PIK3R3: variants seen among roughly 807,000 people sequenced by gnomAD.
PIK3R3 encodes phosphoinositide-3-kinase regulatory subunit 3.
Under a neutral mutation model 62.9 loss-of-function variants are expected in PIK3R3, and 64 were observed. The ratio of observed to expected loss-of-function variants is 1.02; its 90% CI spans 0.83 to 1.25. PIK3R3 has a LOEUF of 1.25. Among genes scored for constraint, PIK3R3 ranks in the 50% most tolerant of loss-of-function variants. The pLI is 0.00. For synonymous variants in PIK3R3, 165 were observed against 189.0 expected (o/e 0.87, Z 1.04); for missense variants, 614 against 561.6 (o/e 1.09, Z -0.94).
At chr1:46,171,632 A>G in the PIK3R3 span, among the ~76,000 whole-genome samples, 1 of 151,934 alleles carries the variant, frequency 6.6e-6, no homozygotes, top group African/African-American at 2.4e-5. Flanking sequence ...CTGGCGCCCC[A>G]GGGGCTGTCT....
chr1:46,046,179 C>T (rs1472716710), intron 8 of PIK3R3, 91 bp from the exon 9 acceptor site: 1 of 788,982 alleles, frequency 1.3e-6, no homozygotes, highest in African/African-American at 1.8e-5. Flanking sequence ...ATCTTTAAAC[C>T]ACAAATAACA....
At chr1:46,134,343 T>G (rs1016718896), upstream of PIK3R3, among the ~76,000 whole-genome samples, 1 of 152,150 alleles carries the variant, frequency 6.6e-6, no homozygotes, top group African/African-American at 2.4e-5. Flanking sequence ...GGGCAGACAG[T>G]CAAAATGTAT....
chr1:46,150,616 T>C, the PIK3R3 span, among the ~76,000 whole-genome samples: 1 of 152,194 alleles, frequency 6.6e-6, no homozygotes, highest in Admixed American at 6.5e-5. Flanking sequence ...CCATGACAAC[T>C]TCTCTTTCTA....
chr1:46,125,871 C>T (rs1655045794), intron 1 of PIK3R3, among the ~76,000 whole-genome samples: 2 of 152,104 alleles, frequency 1.3e-5, no homozygotes, highest in Non-Finnish European at 2.9e-5. Flanking sequence ...TGCCATTCTC[C>T]TGCCTCAACC....
chr1:46,071,987 G>C (rs570475255), intron 3 of PIK3R3, among the ~76,000 whole-genome samples: 1 of 151,610 alleles, frequency 6.6e-6, no homozygotes. Context: ...TCTCACCTCC[G>C]TATATTTGCT....
At chr1:46,055,468 C>T (rs1292804691) in intron 7 of PIK3R3, among the ~76,000 whole-genome samples, 1 of 152,162 alleles carries the variant, frequency 6.6e-6, no homozygotes, top group East Asian at 1.9e-4. Flanking sequence ...AGTATGTAAA[C>T]AAAGATTCTG....
At chr1:46,126,417 A>C (rs2149474613) in intron 1 of PIK3R3, among the ~76,000 whole-genome samples, 1 of 152,056 alleles carries the variant, frequency 6.6e-6, no homozygotes. Context: ...AGGCACCTGT[A>C]ACCCCAGCTA....
intron 1 of PIK3R3, chr1:46,105,161 T>C (rs527632272): frequency 5.8e-5 from 38 of 653,078 alleles, no homozygotes; most frequent in South Asian, 3.1e-4. Context: ...TCCGAAGGAA[T>C]GGAGAGATCA....
chr1:46,119,429 GA>G (rs1044721505), intron 1 of PIK3R3, among the ~76,000 whole-genome samples: 10 of 152,136 alleles, frequency 6.6e-5, no homozygotes, highest in African/African-American at 2.4e-4. Context: ...CCACAACACA[GA>G]AAAGGTAAGT....
intron 1 of PIK3R3, among the ~76,000 whole-genome samples, chr1:46,089,937 T>C (rs1651456208): frequency 6.6e-6 from 1 of 151,988 alleles, no homozygotes; most frequent in Non-Finnish European, 1.5e-5. Context: ...AGTGAAAAAT[T>C]ATAAATAGCA....
chr1:46,079,167 G>GT (rs1251361011), intron 2 of PIK3R3, among the ~76,000 whole-genome samples: 1 of 152,130 alleles, frequency 6.6e-6, no homozygotes, highest in African/African-American at 2.4e-5. Context: ...AAAGGGATAG[G>GT]TAAGTGTTCT....
chr1:46,076,432 G>A (rs192444216), intron 3 of PIK3R3, among the ~76,000 whole-genome samples: 2 of 152,312 alleles, frequency 1.3e-5, no homozygotes, highest in Admixed American at 1.3e-4. Context: ...AGTAAGGTAA[G>A]AAGAGAAAAG....
At chr1:46,046,393 T>C (rs994510370) in intron 8 of PIK3R3, among the ~76,000 whole-genome samples, 158 bp downstream of exon 8, 4 of 152,152 alleles carry the variant, frequency 2.6e-5, no homozygotes, top group South Asian at 2.1e-4. Context: ...CCAGTGCCTA[T>C]AGGGTACCTT....
chr1:46,149,137 C>A, the PIK3R3 span, among the ~76,000 whole-genome samples: 1 of 152,116 alleles, frequency 6.6e-6, no homozygotes, highest in African/African-American at 2.4e-5. Flanking sequence ...AAAAGATACT[C>A]CCGGCTGGGC....
At chr1:46,105,594 T>C (rs1205764786) in intron 1 of PIK3R3, among the ~76,000 whole-genome samples, 1 of 152,004 alleles carries the variant, frequency 6.6e-6, no homozygotes, top group East Asian at 1.9e-4. Flanking sequence ...GGCAGGTGGA[T>C]CACCTGAGGT....
At chr1:46,099,021 C>G (rs1291427450) in intron 1 of PIK3R3, among the ~76,000 whole-genome samples, 5 of 152,108 alleles carry the variant, frequency 3.3e-5, no homozygotes, top group Non-Finnish European at 7.4e-5. Flanking sequence ...TTGATGGTTA[C>G]AGGACTTCTT....
chr1:46,071,726 T>G (rs1180457690), intron 3 of PIK3R3, among the ~76,000 whole-genome samples: 2 of 43,712 alleles, frequency 4.6e-5, no homozygotes, highest in Non-Finnish European at 8.6e-5. Context: ...TATATATATA[T>G]ATATAGAGAG....
At chr1:46,160,950 CA>C in the PIK3R3 span, among the ~76,000 whole-genome samples, 3 of 152,084 alleles carry the variant, frequency 2.0e-5, no homozygotes, top group Non-Finnish European at 4.4e-5. Flanking sequence ...CAATAATGGC[CA>C]AACCGCATCA....
At chr1:46,058,086 C>G (rs904561071) in intron 6 of PIK3R3, among the ~76,000 whole-genome samples, 3 of 152,226 alleles carry the variant, frequency 2.0e-5, no homozygotes, top group African/African-American at 7.2e-5. Context: ...TGCGTCCTAG[C>G]CACTCCAGCC....
Sources: allele counts gnomAD v4.1 joint callset (sites outside exome capture counted in the v4.1 genomes callset), GRCh38; gene constraint gnomAD v4.1.1; transcripts MANE v1.5; gene names NCBI Gene and HGNC (gene_info 2026-07-23, HGNC 2026-07-21).